The following EML5 variants were observed in gnomAD, a reference collection of about 807,000 sequenced individuals.
The protein encoded by EML5 is EMAP like 5.
In EML5, 120 loss-of-function variants were observed where a neutral mutation model predicts 250.0. The ratio of observed to expected loss-of-function variants is 0.48; its 90% CI spans 0.41 to 0.56. EML5 has a LOEUF of 0.56. Among genes scored for constraint, EML5 ranks in the 20% least tolerant of loss-of-function variants. The probability of loss-of-function intolerance (pLI) is 0.00; values close to 1 mark genes in which losing one functional copy is unlikely to be tolerated. For missense variants in EML5, 2,006 were observed against 2,437.6 expected (o/e 0.82, Z 3.73); for synonymous variants, 771 against 806.5 (o/e 0.96, Z 0.75).
At chr14:88,750,072 G>C (rs1334612274) in intron 2 of EML5, among the ~76,000 whole-genome samples, 1 of 152,170 alleles carries the variant, frequency 6.6e-6, no homozygotes, top group Non-Finnish European at 1.5e-5. Flanking sequence ...ATGCAGAGCT[G>C]AGTAGTTATA....
chr14:88,652,064 T>A (rs553522212), intron 27 of EML5, among the ~76,000 whole-genome samples: 64 of 152,326 alleles, frequency 4.2e-4, no homozygotes, highest in African/African-American at 1.5e-3. Context: ...CCAGAATTCA[T>A]GTCCTTTGCA....
intron 21 of EML5, among the ~76,000 whole-genome samples, chr14:88,672,380 T>C (rs1374747055): frequency 6.6e-6 from 1 of 152,104 alleles, no homozygotes; most frequent in African/African-American, 2.4e-5. Context: ...CCAGAATCTC[T>C]GGGACACAGC....
chr14:88,688,552 G>T, intron 17 of EML5, 79 bp from the exon 18 acceptor site: 2 of 1,341,752 alleles, frequency 1.5e-6, no homozygotes, highest in Admixed American at 1.9e-5. Flanking sequence ...CTTTTCTACT[G>T]TTGTTGTTGT....
In EML5 at chr14:88,726,599, C is replaced by A. The variant is rs768034537; in HGVS notation, c.1129G>T (p.Asp377Tyr). Residue 377 changes from aspartate (D) to tyrosine (Y), a missense_variant, in exon 8 of 44, where the codon GAT becomes TAT. Around this residue, in one of 7 missense-constraint regions of EML5, gnomAD observed 1,375 missense variants for 1,590.3 expected, o/e 0.86. Transcript: ENST00000554922. ...EPIRCAAVNA[D>Y]GIHLALGMKD... is the part of the protein sequence containing the mutation. The stretch of plus-strand genomic sequence containing the variant: ...ATTCCAAGGGCAAGATGGATTCCAT[C>A]TGCATTGACAGCTGCACAACGAATT... 6.3e-7 allele frequency: 1 copy of A among 1,595,566 alleles called. No individual in the cohort carries two copies. Among genetic ancestry groups the A allele is most frequent in the Admixed American group, 1.7e-5 (1 of 57,922 alleles).
chr14:88,776,706 C>A (rs2094450061), intron 1 of EML5, among the ~76,000 whole-genome samples: 2 of 143,434 alleles, frequency 1.4e-5, no homozygotes, highest in South Asian at 4.4e-4. Flanking sequence ...CATGGCAAAA[C>A]CCTGTCTCTA....
intron 19 of EML5, 145 bp from the exon 20 acceptor site, chr14:88,685,287 T>C (rs1050484426): frequency 9.5e-5 from 55 of 579,660 alleles, no homozygotes; most frequent in Non-Finnish European, 1.5e-4. Flanking sequence ...AAATGTACTA[T>C]ATTAACCTCA....
Position 88,714,936 on chromosome 14 carries a change from T to C in EML5, c.1444+3A>G. 1 of 1,609,672 alleles carries C rather than the reference T, an allele frequency of 6.2e-7. No individual in the cohort carries two copies. The highest frequency in any genetic ancestry group is 8.5e-7 in the Non-Finnish European group (1 of 1,177,892). On this transcript the variant is annotated splice_donor_region_variant and intron_variant, in intron 9 of 43. Transcript: ENST00000554922. ...AAATCTATAATTTGCTAGAAATTGT[T>C]ACCTGGCATTCTATAAAAAAGTCTT...
intron 29 of EML5, among the ~76,000 whole-genome samples, chr14:88,645,770 A>C (rs1470310274): frequency 6.6e-6 from 1 of 152,060 alleles, no homozygotes; most frequent in Non-Finnish European, 1.5e-5. Context: ...ATTGCTTCCA[A>C]CTCTTTCTCT....
intron 7 of EML5, among the ~76,000 whole-genome samples, chr14:88,728,899 C>G (rs965172362): frequency 7.2e-5 from 11 of 151,996 alleles, no homozygotes; most frequent in Non-Finnish European, 1.6e-4. Flanking sequence ...TAGGCATCTA[C>G]CCCCAAGACA....
intron 1 of EML5, among the ~76,000 whole-genome samples, chr14:88,778,998 T>C (rs1035665158): frequency 1.3e-5 from 2 of 152,212 alleles, no homozygotes; most frequent in Non-Finnish European, 2.9e-5. Flanking sequence ...AGCATTTAGA[T>C]TGTAGATTGT....
intron 1 of EML5, among the ~76,000 whole-genome samples, chr14:88,780,841 G>A (rs1287976023): frequency 6.6e-6 from 1 of 152,158 alleles, no homozygotes; most frequent in Non-Finnish European, 1.5e-5. Flanking sequence ...CCAAAGTGCT[G>A]GGATTACAAG....
intron 31 of EML5, among the ~76,000 whole-genome samples, chr14:88,641,402 T>C (rs951528428): frequency 6.6e-6 from 1 of 152,088 alleles, no homozygotes; most frequent in South Asian, 2.1e-4. Context: ...ATGATGAACA[T>C]AGATGCGAAA....
intron 35 of EML5, 99 bp from the exon 36 acceptor site, chr14:88,625,226 G>C: frequency 7.3e-7 from 1 of 1,368,596 alleles, no homozygotes; most frequent in Non-Finnish European, 9.9e-7. Context: ...TCTCACCCTT[G>C]ATACAAAGAG....
intron 8 of EML5, among the ~76,000 whole-genome samples, chr14:88,725,344 AC>A (rs1877635945): frequency 6.6e-6 from 1 of 152,190 alleles, no homozygotes; most frequent in African/African-American, 2.4e-5. Context: ...AAAAATGTTA[AC>A]TTAAAAACCG....
At position 88,681,765 on chromosome 14, in the gene EML5, C is replaced by T. The variant is rs2092718599; in HGVS notation, c.3124+125G>A. 5.4e-6 allele frequency: 6 copies of T among 1,105,524 alleles called. No individual in the cohort carries two copies. In the East Asian group the frequency reaches 1.4e-4, roughly 26 times the overall value. The allele number at this position is 1,105,524 out of a possible 1,614,324, so 68.5% of individuals were successfully genotyped here. On this transcript the variant is annotated intron_variant, in intron 21 of 43. Coordinates refer to ENST00000554922, the MANE Select transcript of EML5 (RefSeq NM_183387.3). ...CTATGTGGCACCATGAGCAAGTAGACATTGAATAAATATTTCAACATATTT... is the reference window on the plus strand; with the variant it reads ...CTATGTGGCACCATGAGCAAGTAGATATTGAATAAATATTTCAACATATTT...
At chr14:88,756,102 T>C (rs1315443905) in intron 1 of EML5, among the ~76,000 whole-genome samples, 1 of 152,124 alleles carries the variant, frequency 6.6e-6, no homozygotes, top group Non-Finnish European at 1.5e-5. Flanking sequence ...GGTTTCTGGC[T>C]TGGGTATTTG....
intron 19 of EML5, among the ~76,000 whole-genome samples, 194 bp from the exon 20 acceptor site, chr14:88,685,336 T>C (rs2092808964): frequency 6.6e-6 from 1 of 152,212 alleles, no homozygotes; most frequent in South Asian, 2.1e-4. Context: ...GTACCACCTA[T>C]GTCTTATAAG....
intron 32 of EML5, among the ~76,000 whole-genome samples, chr14:88,637,982 CCTGA>C (rs2090836290): frequency 1.3e-5 from 2 of 152,062 alleles, no homozygotes; most frequent in Non-Finnish European, 1.5e-5. Flanking sequence ...ACAACAAATT[CCTGA>C]CTATCAACTT....
At chr14:88,777,529 C>G (rs2094458053) in intron 1 of EML5, among the ~76,000 whole-genome samples, 1 of 152,070 alleles carries the variant, frequency 6.6e-6, no homozygotes, top group South Asian at 2.1e-4. Context: ...AGTAAGTACA[C>G]AGAAAAACAC....
Sources: gnomAD v4.1 joint callset for allele counts (sites outside exome capture counted in the v4.1 genomes callset) on GRCh38, gnomAD v4.1.1 for gene constraint, gnomAD v4.1.1 regional missense constraint, MANE v1.5 for transcripts, NCBI Gene and HGNC (gene_info 2026-07-23, HGNC 2026-07-21) for gene names.